Variants in TTC12 observed in about 807,000 individuals in gnomAD.
TTC12 encodes the protein tetratricopeptide repeat domain 12, also known as tetratricopeptide repeat protein 12.
TTC12 carries 70 observed loss-of-function variants against 90.1 expected under a neutral mutation model. The ratio of observed to expected loss-of-function variants is 0.78; its 90% CI spans 0.64 to 0.95. TTC12 has a LOEUF of 0.95. TTC12 is among the 40% of genes least tolerant of loss of function. The probability of loss-of-function intolerance (pLI) is 0.00; values close to 1 mark genes in which losing one functional copy is unlikely to be tolerated. For missense variants in TTC12, 819 were observed against 846.1 expected (o/e 0.97, Z 0.40); for synonymous variants, 296 against 311.5 (o/e 0.95, Z 0.53).
At position 113,340,724 on chromosome 11, in the gene TTC12, T is replaced by A. The variant is rs1478875955; in HGVS notation, c.887T>A (p.Val296Asp). ...TTTAGTATCATCAGTGACAACGAGG[T>A]CATAAGAAGGTAGGGATGTTCATAG... ...NGFSIISDNEVIRRCFSTAGN... is the reference protein window; with the variant it reads ...NGFSIISDNEDIRRCFSTAGN... Residue 296 changes from valine (V) to aspartate (D), a missense_variant, in exon 11 of 22, where the codon GTC becomes GAC. By Grantham distance (152) the Val-to-Asp change is radical. Coordinates refer to ENST00000529221, the MANE Select transcript of TTC12 (RefSeq NM_017868.4). The A allele has an allele frequency of 2.5e-6, 4 of 1,613,468 alleles. No homozygotes were observed. In the Admixed American group the frequency reaches 5.0e-5, roughly 20 times the overall value.
intron 12 of TTC12, among the ~76,000 whole-genome samples, chr11:113,342,447 A>T (rs1330071928): frequency 6.6e-6 from 1 of 152,130 alleles, no homozygotes; most frequent in East Asian, 1.9e-4. Context: ...AATCTTTCTT[A>T]ATCACTTTTG....
At chr11:113,369,837 T>C (rs961626660), downstream of TTC12, among the ~76,000 whole-genome samples, 8 of 152,186 alleles carry the variant, frequency 5.3e-5, no homozygotes, top group African/African-American at 1.7e-4. Context: ...GGCGACTCTT[T>C]TTGAGAACAG....
At chr11:113,334,391 A>T in intron 7 of TTC12, among the ~76,000 whole-genome samples, 1 of 152,128 alleles carries the variant, frequency 6.6e-6, no homozygotes, top group East Asian at 1.9e-4. Context: ...GATCTTAAGT[A>T]ATATGAACAG....
chr11:113,351,641 C>T lies in TTC12; in HGVS notation c.1308+342C>T, dbSNP rs114343220. ...ATGGAAGTCATCCTGTCAGGAAGAC[C>T]AGTGTAGCAATTTGAGCTGATAAGG... is the stretch of plus-strand genomic sequence containing the variant. On this transcript the variant is annotated intron_variant, in intron 15 of 21. Coordinates refer to ENST00000529221, the MANE Select transcript of TTC12 (RefSeq NM_017868.4). Among the ~76,000 whole-genome samples, 517 of 152,310 alleles carry T rather than the reference C, an allele frequency of 3.4e-3. 4 individuals are homozygous for T. Among genetic ancestry groups the T allele is most frequent in the African/African-American group, 0.012 (483 of 41,552 alleles).
At chr11:113,350,948 TG>T (rs782203709) in intron 14 of TTC12, among the ~76,000 whole-genome samples, 1 of 152,164 alleles carries the variant, frequency 6.6e-6, no homozygotes, top group African/African-American at 2.4e-5. Context: ...GAGCAGGGGT[TG>T]GGGGTAAGTC....
intron 16 of TTC12, among the ~76,000 whole-genome samples, chr11:113,357,749 T>G (rs1555153003): frequency 6.6e-6 from 1 of 152,212 alleles, no homozygotes; most frequent in African/African-American, 2.4e-5. Flanking sequence ...CTGAGGGACT[T>G]GTATTGGGCC....
At chr11:113,366,524 A>G, downstream of TTC12, 1 of 692,224 alleles carries the variant, frequency 1.4e-6, no homozygotes, top group Non-Finnish European at 2.3e-6. Context: ...CCTCCTTTGA[A>G]TGTTCTTTCC....
intron 19 of TTC12, 76 bp downstream of exon 19, chr11:113,362,578 T>C (rs1320375851): frequency 7.6e-6 from 8 of 1,054,464 alleles, no homozygotes; most frequent in African/African-American, 1.6e-5. Flanking sequence ...AGAATTAAGG[T>C]GGGCTTTGTT....
chr11:113,368,338 C>A (rs556728745), downstream of TTC12: 1 of 1,547,324 alleles, frequency 6.5e-7, no homozygotes, highest in Non-Finnish European at 8.7e-7. Context: ...AACTTGTTAC[C>A]CCTAACACAT....
chr11:113,320,780 G>T (rs573233242), intron 2 of TTC12, among the ~76,000 whole-genome samples: 1 of 152,172 alleles, frequency 6.6e-6, no homozygotes, highest in Admixed American at 6.5e-5. Flanking sequence ...GTCCGTCTGC[G>T]TTCTCCCCCT....
At chr11:113,338,860 T>C in intron 9 of TTC12, 26 bp downstream of exon 9, 1 of 1,606,292 alleles carries the variant, frequency 6.2e-7, no homozygotes. Flanking sequence ...CTGAGGTCCT[T>C]CATCTGAACT....
Position 113,316,255 on chromosome 11 carries a change from A to C in TTC12, c.-3A>C. 2 of 1,455,736 alleles carry C rather than the reference A, an allele frequency of 1.4e-6. No homozygotes were observed. The allele number at this position is 1,455,736 out of a possible 1,614,324, so 90.2% of individuals were successfully genotyped here. A position where few individuals can be genotyped will look rare whatever the true frequency, so the allele number is the denominator to read the frequency against. ...CTGCATCCCTTAGGGATTCCGGTTC[A>C]CAATGGATGCTGATAAAGAGAAAGA... On this transcript the variant is annotated 5_prime_UTR_variant, in exon 2 of 22. Coordinates refer to ENST00000529221, the MANE Select transcript of TTC12 (RefSeq NM_017868.4).
At chr11:113,336,854 C>G (rs144433015) in intron 8 of TTC12, among the ~76,000 whole-genome samples, 261 of 152,282 alleles carry the variant, frequency 1.7e-3, no homozygotes, top group African/African-American at 6.1e-3. Context: ...TCTATATGAA[C>G]TTCAAGATTA....
intron 13 of TTC12, among the ~76,000 whole-genome samples, chr11:113,348,871 A>G (rs1382061633): frequency 1.3e-5 from 2 of 152,118 alleles, no homozygotes; most frequent in African/African-American, 4.8e-5. Flanking sequence ...GCTCTCTACC[A>G]TCCCCTGTTC....
chr11:113,358,771 G>T (rs1555153479), intron 16 of TTC12, among the ~76,000 whole-genome samples: 1 of 152,118 alleles, frequency 6.6e-6, no homozygotes, highest in Non-Finnish European at 1.5e-5. Flanking sequence ...GCTGGTCAAG[G>T]GGATTTCTCC....
intron 10 of TTC12, among the ~76,000 whole-genome samples, chr11:113,340,411 T>A (rs1948616140): frequency 6.6e-6 from 1 of 152,248 alleles, no homozygotes; most frequent in East Asian, 1.9e-4. Context: ...CAGATAGCCC[T>A]CGGGGCCACC....
intron 1 of TTC12, among the ~76,000 whole-genome samples, chr11:113,315,356 G>T (rs1415835866): frequency 6.6e-6 from 1 of 152,166 alleles, no homozygotes; most frequent in African/African-American, 2.4e-5. Flanking sequence ...CACACAGCTT[G>T]TAACTGGTGG....
At chr11:113,318,620 C>T (rs1447831083) in intron 2 of TTC12, among the ~76,000 whole-genome samples, 1 of 151,982 alleles carries the variant, frequency 6.6e-6, no homozygotes, top group Non-Finnish European at 1.5e-5. Flanking sequence ...GGGGGGGATG[C>T]AATTTAGTCC....
chr11:113,365,708 C>T lies in TTC12; in HGVS notation c.2043-517C>T, dbSNP rs543253065. On this transcript the variant is annotated intron_variant, in intron 21 of 21. Transcript: ENST00000529221. Reference sequence around the variant, plus strand: ...GCACGTGCTTTTGGGAGGTGTCCACCTGTGGCTGAGCAAAGGAGCCCTGGC... The same window carrying T: ...GCACGTGCTTTTGGGAGGTGTCCACTTGTGGCTGAGCAAAGGAGCCCTGGC... The T allele has an allele frequency of 1.2e-4, 21 of 172,048 alleles. 1 individual carries two copies. Among genetic ancestry groups the T allele is most frequent in the African/African-American group, 3.6e-4 (15 of 42,152 alleles). The allele number at this position is 172,048 out of a possible 1,614,324, so 10.7% of individuals were successfully genotyped here. A position where few individuals can be genotyped will look rare whatever the true frequency, so the allele number is the denominator to read the frequency against.
Sources: allele counts gnomAD v4.1 joint callset (sites outside exome capture counted in the v4.1 genomes callset), GRCh38; gene constraint gnomAD v4.1.1; transcripts MANE v1.5; gene names NCBI Gene and HGNC (gene_info 2026-07-23, HGNC 2026-07-21).